TAS2R1: variants seen among roughly 807,000 people sequenced by gnomAD.
The protein encoded by TAS2R1 is taste receptor type 2 member 1.
For missense variants in TAS2R1, 370 were observed against 353.4 expected, an observed-to-expected ratio of 1.05 and a Z score of -0.38; for synonymous variants, 141 against 134.2, an observed-to-expected ratio of 1.05 and a Z score of -0.35.
At chr5:9,832,186 T>G in the TAS2R1 span, among the ~76,000 whole-genome samples, 1 of 152,358 alleles carries the variant, frequency 6.6e-6, no homozygotes, top group South Asian at 2.1e-4. Flanking sequence ...TATGCATACA[T>G]TGACATCTTG....
At chr5:9,870,245 C>T in the TAS2R1 span, 4 of 152,416 alleles carry the variant, frequency 2.6e-5, no homozygotes, top group African/African-American at 9.6e-5. Context: ...AGGATTCACA[C>T]ATTTACAGCT....
chr5:9,845,867 T>C, the TAS2R1 span, among the ~76,000 whole-genome samples: 1 of 152,164 alleles, frequency 6.6e-6, no homozygotes, highest in Non-Finnish European at 1.5e-5. Flanking sequence ...GAAATAAAGA[T>C]GCACATTCTA....
chr5:9,894,806 G>C, the TAS2R1 span, among the ~76,000 whole-genome samples: 1 of 152,330 alleles, frequency 6.6e-6, no homozygotes, highest in Non-Finnish European at 1.5e-5. Context: ...CTTCACAGCA[G>C]GTTTCTTTGT....
At chr5:9,742,064 T>G in the TAS2R1 span, among the ~76,000 whole-genome samples, 1 of 151,942 alleles carries the variant, frequency 6.6e-6, no homozygotes, top group Non-Finnish European at 1.5e-5. Context: ...CCTGACTAAT[T>G]TTGTATTTTT....
the TAS2R1 span, among the ~76,000 whole-genome samples, chr5:9,804,717 T>C: frequency 1.3e-5 from 2 of 152,180 alleles, no homozygotes; most frequent in East Asian, 3.9e-4. Flanking sequence ...ATAAAACTTG[T>C]CCAAACCTCT....
At chr5:9,867,561 T>A in the TAS2R1 span, among the ~76,000 whole-genome samples, 14 of 152,150 alleles carry the variant, frequency 9.2e-5, no homozygotes, top group African/African-American at 3.4e-4. Flanking sequence ...ACTAAGTCCC[T>A]TCCATGACAC....
At chr5:9,768,460 G>T in the TAS2R1 span, among the ~76,000 whole-genome samples, 1 of 152,164 alleles carries the variant, frequency 6.6e-6, no homozygotes, top group Non-Finnish European at 1.5e-5. Flanking sequence ...TCCTAGGTCA[G>T]CGCTGCTTTC....
At chr5:9,684,608 C>A (rs1295056812) in intron 1 of TAS2R1, among the ~76,000 whole-genome samples, 1 of 152,162 alleles carries the variant, frequency 6.6e-6, no homozygotes, top group Non-Finnish European at 1.5e-5. Context: ...ACTATAGCTG[C>A]AAACTCCCGG....
At chr5:9,798,516 A>T in the TAS2R1 span, among the ~76,000 whole-genome samples, 1 of 152,194 alleles carries the variant, frequency 6.6e-6, no homozygotes, top group South Asian at 2.1e-4. Context: ...CCTAGCCCTG[A>T]TTCTACTCAT....
At chr5:9,720,791 G>C in the TAS2R1 span, among the ~76,000 whole-genome samples, 2 of 152,206 alleles carry the variant, frequency 1.3e-5, no homozygotes, top group African/African-American at 4.8e-5. Flanking sequence ...TTCACTCAGT[G>C]AGGAATTTTA....
intron 1 of TAS2R1, among the ~76,000 whole-genome samples, chr5:9,702,906 A>G (rs1166331134): frequency 6.6e-6 from 1 of 152,114 alleles, no homozygotes; most frequent in East Asian, 1.9e-4. Flanking sequence ...ATGAACAGTT[A>G]CAGGAAAGGA....
At chr5:9,893,680 C>T in the TAS2R1 span, among the ~76,000 whole-genome samples, 1 of 152,226 alleles carries the variant, frequency 6.6e-6, no homozygotes. Flanking sequence ...CCCCCTCTCC[C>T]CTCAGAGAGA....
the TAS2R1 span, among the ~76,000 whole-genome samples, chr5:9,809,812 C>T: frequency 2.0e-5 from 3 of 152,168 alleles, no homozygotes; most frequent in East Asian, 5.8e-4. Flanking sequence ...TAAATGGGAT[C>T]TCTTTGTATT....
Position 9,629,850 on chromosome 5 carries a change from GAAC to G in TAS2R1, c.180_182del (p.Leu60del). 6.2e-7 allele frequency: 1 copy of G among 1,613,504 alleles called. No homozygotes were observed. Among genetic ancestry groups the G allele is most frequent in the South Asian group, 1.1e-5 (1 of 90,964 alleles). On this transcript the variant is annotated inframe_deletion, in exon 1 of 1. Transcript: ENST00000382492. ...TAACAATCACATTAACGTAGAAGAT[GAAC>G]AACTGCAGAAAAATTCTAGAAACTG... is the stretch of plus-strand genomic sequence containing the variant.
chr5:9,717,628 G>C, the TAS2R1 span, among the ~76,000 whole-genome samples: 3 of 151,900 alleles, frequency 2.0e-5, no homozygotes, highest in Admixed American at 6.6e-5. Flanking sequence ...TTAAAACAGA[G>C]TGGCACTGGC....
At chr5:9,707,498 C>G (rs1306582261) in intron 1 of TAS2R1, among the ~76,000 whole-genome samples, 1 of 152,180 alleles carries the variant, frequency 6.6e-6, no homozygotes, top group Non-Finnish European at 1.5e-5. Flanking sequence ...GCCTGGCCAA[C>G]ATGGGGAAAC....
intron 1 of TAS2R1, chr5:9,659,688 T>C (rs1188214582): frequency 6.6e-6 from 1 of 152,152 alleles, no homozygotes; most frequent in Non-Finnish European, 1.5e-5. Context: ...TCAGGCCTAA[T>C]AGAAGATTAT....
the TAS2R1 span, among the ~76,000 whole-genome samples, chr5:9,726,557 C>T: frequency 1.3e-5 from 2 of 152,238 alleles, no homozygotes; most frequent in African/African-American, 4.8e-5. Context: ...GTAACACTCA[C>T]TGTGAAGGTC....
chr5:9,637,157 A>T (rs1249235704), intron 2 of TAS2R1, among the ~76,000 whole-genome samples: 1 of 152,162 alleles, frequency 6.6e-6, no homozygotes. Context: ...ATTTGTCTGA[A>T]AAAGACTTTA....
Sources: gnomAD v4.1 joint callset for allele counts (sites outside exome capture counted in the v4.1 genomes callset) on GRCh38, gnomAD v4.1.1 for gene constraint, MANE v1.5 for transcripts, NCBI Gene and HGNC (gene_info 2026-07-23, HGNC 2026-07-21) for gene names.